The following PREX2 variants were observed in gnomAD, a reference collection of about 807,000 sequenced individuals.
PREX2 encodes the protein phosphatidylinositol 3,4,5-trisphosphate-dependent Rac exchanger 2 protein.
Under a neutral mutation model 203.2 loss-of-function variants are expected in PREX2, and 107 were observed. That is an observed-to-expected ratio of 0.53 (90% CI 0.45 to 0.62). PREX2 has a LOEUF of 0.62. Ranked by LOEUF, PREX2 falls within the 20% of genes least tolerant of loss-of-function variation. PREX2 has a pLI of 0.00. For missense variants in PREX2, 1,777 were observed against 1,955.9 expected (o/e 0.91, Z 1.72); for synonymous variants, 672 against 663.6 (o/e 1.01, Z -0.19).
intron 7 of PREX2, among the ~76,000 whole-genome samples, chr8:68,039,407 C>T (rs1489837734): frequency 6.6e-6 from 1 of 152,148 alleles, no homozygotes; most frequent in African/African-American, 2.4e-5. Flanking sequence ...TGTTATTATA[C>T]CCCACTCTCT....
intron 23 of PREX2, among the ~76,000 whole-genome samples, chr8:68,106,981 A>G (rs1164797433): frequency 6.6e-6 from 1 of 152,192 alleles, no homozygotes; most frequent in African/African-American, 2.4e-5. Flanking sequence ...ACTACAATTC[A>G]GTCTAACTCT....
intron 13 of PREX2, among the ~76,000 whole-genome samples, chr8:68,071,764 G>T (rs1436004640): frequency 6.6e-6 from 1 of 152,032 alleles, no homozygotes; most frequent in Admixed American, 6.6e-5. Context: ...ATCTAATCAG[G>T]CAAAAAGAAT....
chr8:68,007,328 A>G (rs1470972427), intron 1 of PREX2, among the ~76,000 whole-genome samples: 1 of 152,232 alleles, frequency 6.6e-6, no homozygotes, highest in African/African-American at 2.4e-5. Context: ...ATTTTTACAA[A>G]GTAAATTATA....
In PREX2 at chr8:68,000,809, T is replaced by G. The variant is rs374545325; in HGVS notation, c.142-17037T>G. Among the ~76,000 whole-genome samples the G allele has an allele frequency of 5.9e-5, 9 of 152,234 alleles. No homozygotes were observed. In the East Asian group the frequency reaches 1.7e-3, roughly 29 times the overall value. On this transcript the variant is annotated intron_variant, in intron 1 of 39. Transcript: ENST00000288368. ...AAATAAGGCCACATACGTATAACCA[T>G]GTGATCATTGACAAAGATGACAAAA...
At chr8:68,206,527 C>G (rs894365879) in intron 37 of PREX2, among the ~76,000 whole-genome samples, 1 of 152,122 alleles carries the variant, frequency 6.6e-6, no homozygotes, top group African/African-American at 2.4e-5. Flanking sequence ...CTCTTCTGAT[C>G]TGTAAGAAAT....
At chr8:67,994,268 G>A (rs1204336951) in intron 1 of PREX2, among the ~76,000 whole-genome samples, 1 of 152,160 alleles carries the variant, frequency 6.6e-6, no homozygotes, top group Non-Finnish European at 1.5e-5. Flanking sequence ...TGAGATCACA[G>A]CTAACGCTTA....
Position 68,064,804 on chromosome 8 carries a change from G to A in PREX2, c.1339+4025G>A, listed in dbSNP as rs538387208. 2.6e-5 allele frequency among the ~76,000 whole-genome samples: 4 copies of A among 152,162 alleles called. No homozygotes were observed. In the South Asian group the frequency reaches 6.2e-4, roughly 24 times the overall value. ...GAAATACTGTGTAATGAGTGCCACC[G>A]CACCTTTAACTCCGTGTTCAGTGAC... On this transcript the variant is annotated intron_variant, in intron 11 of 39. Coordinates refer to ENST00000288368, the MANE Select transcript of PREX2 (RefSeq NM_024870.4).
At chr8:68,138,149 A>G (rs1811149763) in intron 32 of PREX2, among the ~76,000 whole-genome samples, 1 of 152,252 alleles carries the variant, frequency 6.6e-6, no homozygotes, top group African/African-American at 2.4e-5. Flanking sequence ...GCTACATAAT[A>G]GACTGAAAAA....
intron 26 of PREX2, among the ~76,000 whole-genome samples, chr8:68,117,188 A>G (rs1199055111): frequency 6.6e-6 from 1 of 152,220 alleles, no homozygotes; most frequent in Non-Finnish European, 1.5e-5. Context: ...CACATGGGGG[A>G]AAGAGGAAGA....
chr8:68,158,071 A>ATATATATATTCACATATATATG (rs1811576846), intron 35 of PREX2, among the ~76,000 whole-genome samples: 1 of 132,944 alleles, frequency 7.5e-6, no homozygotes, highest in Non-Finnish European at 1.6e-5. Context: ...GAATATATAT[A>ATATATATATTCACATATATATG]TGTATATATA....
At chr8:67,989,858 T>A (rs62520723) in intron 1 of PREX2, among the ~76,000 whole-genome samples, 2,266 of 152,342 alleles carry the variant, frequency 0.015, 32 homozygotes, top group Non-Finnish European at 0.024. Flanking sequence ...CATATGTTTT[T>A]AAATATGCAG....
At chr8:68,063,488 G>A (rs921209831) in intron 11 of PREX2, among the ~76,000 whole-genome samples, 8 of 152,114 alleles carry the variant, frequency 5.3e-5, no homozygotes, top group African/African-American at 1.9e-4. Flanking sequence ...CCTAGACCCT[G>A]CATGAGGAGA....
At chr8:68,195,712 T>C (rs1268957264) in intron 37 of PREX2, among the ~76,000 whole-genome samples, 1 of 152,118 alleles carries the variant, frequency 6.6e-6, no homozygotes, top group East Asian at 1.9e-4. Context: ...ACAGCATGAA[T>C]CAGAATAAAT....
At chr8:67,964,720 A>C (rs1253872398) in intron 1 of PREX2, among the ~76,000 whole-genome samples, 2 of 152,242 alleles carry the variant, frequency 1.3e-5, no homozygotes, top group Non-Finnish European at 2.9e-5. Flanking sequence ...TTCCAGAAAA[A>C]AAATTCCAAG....
chr8:68,208,236 G>A (rs1459581255), intron 37 of PREX2, among the ~76,000 whole-genome samples: 1 of 152,118 alleles, frequency 6.6e-6, no homozygotes, highest in Non-Finnish European at 1.5e-5. Context: ...ATGTGCTGTA[G>A]TGAATACATT....
At chr8:68,147,486 T>C (rs1811351858) in intron 34 of PREX2, among the ~76,000 whole-genome samples, 1 of 152,062 alleles carries the variant, frequency 6.6e-6, no homozygotes, top group Non-Finnish European at 1.5e-5. Flanking sequence ...AAAATGGAAG[T>C]TTCCATGCAC....
intron 13 of PREX2, among the ~76,000 whole-genome samples, chr8:68,071,197 A>AT (rs1809184316): frequency 2.0e-5 from 3 of 152,170 alleles, no homozygotes; most frequent in Admixed American, 1.3e-4. Context: ...CTGATAAGGA[A>AT]TTTTTCTTTG....
chr8:68,184,413 A>G (rs1297395021), intron 35 of PREX2, among the ~76,000 whole-genome samples: 1 of 152,206 alleles, frequency 6.6e-6, no homozygotes, highest in Non-Finnish European at 1.5e-5. Context: ...GATATCTGTA[A>G]TTGATTAAAC....
chr8:68,038,323 G>C, intron 7 of PREX2, 31 bp downstream of exon 7: 1 of 1,609,290 alleles, frequency 6.2e-7, no homozygotes, highest in Non-Finnish European at 8.5e-7. Context: ...CACTTCAGAA[G>C]TGGTCACAGT....
Sources: allele counts gnomAD v4.1 joint callset (sites outside exome capture counted in the v4.1 genomes callset), GRCh38; gene constraint gnomAD v4.1.1; transcripts MANE v1.5; gene names NCBI Gene and HGNC (gene_info 2026-07-23, HGNC 2026-07-21).